The following CHCHD6 variants were observed in gnomAD, a reference collection of about 807,000 sequenced individuals.
CHCHD6 encodes coiled-coil-helix-coiled-coil-helix domain containing 6.
CHCHD6 carries 28 observed loss-of-function variants against 32.3 expected under a neutral mutation model. The observed-to-expected ratio is 0.87, with a 90% CI of 0.64 to 1.19. The LOEUF is 1.19. Ranked by LOEUF, CHCHD6 falls within the 50% of genes most tolerant of loss-of-function variation. The pLI, the probability that CHCHD6 is intolerant of heterozygous loss-of-function variation, is 0.00. For missense variants in CHCHD6, 333 were observed against 307.0 expected (o/e 1.08, Z -0.63); for synonymous variants, 122 against 117.5 (o/e 1.04, Z -0.25).
intron 6 of CHCHD6, among the ~76,000 whole-genome samples, chr3:126,937,470 G>A (rs1164882021): frequency 6.6e-6 from 1 of 152,234 alleles, no homozygotes; most frequent in African/African-American, 2.4e-5. Context: ...GCTAGGGGAA[G>A]ATAATGCCAG....
At chr3:126,855,294 A>G (rs1314476374) in intron 5 of CHCHD6, among the ~76,000 whole-genome samples, 1 of 152,190 alleles carries the variant, frequency 6.6e-6, no homozygotes, top group Non-Finnish European at 1.5e-5. Context: ...TGGCTCCCAC[A>G]CAGCAATTCA....
chr3:126,953,057 G>A (rs567102297), intron 6 of CHCHD6: 147 of 985,452 alleles, frequency 1.5e-4, no homozygotes, highest in Admixed American at 1.3e-3. Flanking sequence ...TGTTCTGACC[G>A]GGCCGTCTTG....
intron 5 of CHCHD6, among the ~76,000 whole-genome samples, chr3:126,870,185 C>A (rs1421976030): frequency 6.6e-6 from 1 of 152,178 alleles, no homozygotes; most frequent in East Asian, 1.9e-4. Context: ...TATGAACATG[C>A]CTACTAGAAT....
At chr3:126,877,758 C>T (rs1022170437) in intron 5 of CHCHD6, among the ~76,000 whole-genome samples, 5 of 152,202 alleles carry the variant, frequency 3.3e-5, no homozygotes, top group Non-Finnish European at 7.3e-5. Context: ...TGGTGGATTA[C>T]ATCAATTAGT....
rs560345738 is a variant in CHCHD6, at chr3:126,777,184, A to T, written c.411+43962A>T. Among the ~76,000 whole-genome samples, 3 of 152,214 alleles carry T rather than the reference A, an allele frequency of 2.0e-5. No homozygotes were observed. In the South Asian group the frequency reaches 6.2e-4, roughly 32 times the overall value. Reference sequence around the variant, plus strand: ...TAATACTTATTTTACCTGGTTTTCTATGTTTTTATTTAATGGATTTGTCTT... The same window carrying T: ...TAATACTTATTTTACCTGGTTTTCTTTGTTTTTATTTAATGGATTTGTCTT... On this transcript the variant is annotated intron_variant, in intron 4 of 7. Coordinates refer to ENST00000290913, the MANE Select transcript of CHCHD6 (RefSeq NM_032343.3).
chr3:126,937,789 A>G (rs1204623639), intron 6 of CHCHD6, among the ~76,000 whole-genome samples: 2 of 152,146 alleles, frequency 1.3e-5, no homozygotes, highest in East Asian at 3.9e-4. Flanking sequence ...TAAGAATCTG[A>G]GCAGAATAGA....
At chr3:126,943,637 C>T (rs1304119031) in intron 6 of CHCHD6, among the ~76,000 whole-genome samples, 1 of 152,132 alleles carries the variant, frequency 6.6e-6, no homozygotes, top group Non-Finnish European at 1.5e-5. Flanking sequence ...CCTGGAGGAC[C>T]TCTTTGGCCT....
intron 5 of CHCHD6, among the ~76,000 whole-genome samples, chr3:126,872,763 C>G (rs905132846): frequency 6.6e-6 from 1 of 152,190 alleles, no homozygotes; most frequent in Non-Finnish European, 1.5e-5. Flanking sequence ...CTTTTAGAAC[C>G]AAGGGGCAAA....
intron 6 of CHCHD6, among the ~76,000 whole-genome samples, chr3:126,954,893 A>C (rs2078762116): frequency 6.6e-6 from 1 of 152,238 alleles, no homozygotes; most frequent in Non-Finnish European, 1.5e-5. Context: ...GAAGGCACCC[A>C]CTGCCCTGCA....
chr3:126,859,140 A>T (rs1227264417), intron 5 of CHCHD6, among the ~76,000 whole-genome samples: 1 of 152,166 alleles, frequency 6.6e-6, no homozygotes, highest in Non-Finnish European at 1.5e-5. Flanking sequence ...TGCAGGAATA[A>T]AGAAGGGAAC....
rs959843207 is a variant in CHCHD6, at chr3:126,779,465, A to G, written c.411+46243A>G. 1.9e-4 allele frequency among the ~76,000 whole-genome samples: 28 copies of G among 149,898 alleles called. No individual in the cohort carries two copies. The Middle Eastern group carries it at 0.01, about 56-fold the overall frequency. ...GGCAGGAGAATCACTTGAACTTGGG[A>G]AGTGGAGGTTGCGGTAAGCCGAGAT... On this transcript the variant is annotated intron_variant, in intron 4 of 7. Transcript: ENST00000290913.
chr3:126,767,041 G>C, intron 4 of CHCHD6: 1 of 914,692 alleles, frequency 1.1e-6, no homozygotes, highest in Non-Finnish European at 1.8e-6. Flanking sequence ...CAATGAAGAT[G>C]GTCACTCAAT....
At chr3:126,807,195 T>TA (rs199560782) in intron 4 of CHCHD6, among the ~76,000 whole-genome samples, 1,901 of 138,584 alleles carry the variant, frequency 0.014, 19 homozygotes, top group Middle Eastern at 0.051. Flanking sequence ...ACTTAAAGTA[T>TA]AAAAAAAAAA....
intron 4 of CHCHD6, among the ~76,000 whole-genome samples, chr3:126,768,693 T>G (rs1937477058): frequency 6.6e-6 from 1 of 152,208 alleles, no homozygotes; most frequent in African/African-American, 2.4e-5. Flanking sequence ...CAGCAGTGTC[T>G]ATAAGCATAC....
intron 5 of CHCHD6, among the ~76,000 whole-genome samples, chr3:126,866,806 G>A (rs772050089): frequency 1.3e-5 from 2 of 152,198 alleles, no homozygotes; most frequent in Non-Finnish European, 2.9e-5. Context: ...CAGTGACCAT[G>A]AAGTTTCCCC....
At chr3:126,707,627 C>G (rs1388434979) in intron 1 of CHCHD6, among the ~76,000 whole-genome samples, 1 of 152,198 alleles carries the variant, frequency 6.6e-6, no homozygotes, top group Non-Finnish European at 1.5e-5. Context: ...GCCTTTCCCC[C>G]TTTCCCACCA....
At chr3:126,848,518 A>T (rs1485089253) in intron 4 of CHCHD6, among the ~76,000 whole-genome samples, 1 of 152,206 alleles carries the variant, frequency 6.6e-6, no homozygotes, top group African/African-American at 2.4e-5. Flanking sequence ...TGGATATCTG[A>T]TGATGTTAAA....
intron 4 of CHCHD6, among the ~76,000 whole-genome samples, chr3:126,781,257 G>T (rs1000229458): frequency 6.6e-6 from 1 of 152,178 alleles, no homozygotes; most frequent in African/African-American, 2.4e-5. Flanking sequence ...GATCTTTATA[G>T]TCAAGACGGT....
chr3:126,804,684 C>T (rs1939267018), intron 4 of CHCHD6, among the ~76,000 whole-genome samples: 1 of 152,134 alleles, frequency 6.6e-6, no homozygotes, highest in Non-Finnish European at 1.5e-5. Context: ...AGGGAATTCT[C>T]CCTAATTCAT....
Sources: gnomAD v4.1 joint callset for allele counts (sites outside exome capture counted in the v4.1 genomes callset) on GRCh38, gnomAD v4.1.1 for gene constraint, MANE v1.5 for transcripts, NCBI Gene and HGNC (gene_info 2026-07-23, HGNC 2026-07-21) for gene names.